The following OSBP2 variants were observed in gnomAD, a reference collection of about 807,000 sequenced individuals.
OSBP2 encodes oxysterol-binding protein 2.
A neutral mutation model predicts 96.0 loss-of-function variants in OSBP2; 66 were observed. The observed-to-expected ratio is 0.69, with a 90% CI of 0.56 to 0.84. The LOEUF is 0.84. Ranked by LOEUF, OSBP2 falls within the 40% of genes least tolerant of loss-of-function variation. The pLI is 0.00. For synonymous variants in OSBP2, 525 were observed against 520.9 expected (o/e 1.01, Z -0.11); for missense variants, 1,038 against 1,222.7 (o/e 0.85, Z 2.25).
intron 2 of OSBP2, among the ~76,000 whole-genome samples, chr22:30,746,155 AC>A (rs1458838702): frequency 6.6e-5 from 10 of 152,152 alleles, no homozygotes; most frequent in African/African-American, 2.4e-4. Flanking sequence ...CTGGTGGGTC[AC>A]GTCTGTAATT....
chr22:30,907,596 CT>C lies in OSBP2; in HGVS notation c.*1260del, dbSNP rs898144340. The C allele has an allele frequency of 6.6e-6, 1 of 152,130 alleles. No homozygotes were observed. The highest frequency in any genetic ancestry group is 1.5e-5 in the Non-Finnish European group (1 of 67,998). The allele number at this position is 152,130 out of a possible 1,614,324, so 9.4% of individuals were successfully genotyped here. On this transcript the variant is annotated 3_prime_UTR_variant, in exon 14 of 14. Transcript: ENST00000332585. ...CCTAAAAGTTCATCACAGGGTCTTT[CT>C]TTCTACTCCAGGACTGGTTTTGTTT...
At chr22:30,728,394 C>A (rs75362443) in intron 1 of OSBP2, among the ~76,000 whole-genome samples, 253 of 131,796 alleles carry the variant, frequency 1.9e-3, no homozygotes, top group South Asian at 2.5e-3. Context: ...GACTCCGTCT[C>A]AAAAAAAAAA....
At chr22:30,709,091 A>G (rs1434246757) in intron 1 of OSBP2, among the ~76,000 whole-genome samples, 1 of 151,862 alleles carries the variant, frequency 6.6e-6, no homozygotes, top group Non-Finnish European at 1.5e-5. Flanking sequence ...AAGAGCGAAA[A>G]CTCCATCTCA....
chr22:30,765,105 G>C (rs2090254374), intron 2 of OSBP2, among the ~76,000 whole-genome samples: 1 of 152,064 alleles, frequency 6.6e-6, no homozygotes, highest in Non-Finnish European at 1.5e-5. Context: ...TGTTGCCCAT[G>C]CTGGTCTCAA....
At chr22:30,833,183 A>G (rs2038565594) in intron 2 of OSBP2, among the ~76,000 whole-genome samples, 1 of 152,192 alleles carries the variant, frequency 6.6e-6, no homozygotes, top group Non-Finnish European at 1.5e-5. Context: ...AAGGAAACTG[A>G]GGCCTAGAAA....
intron 1 of OSBP2, among the ~76,000 whole-genome samples, chr22:30,726,832 G>A (rs1362227440): frequency 6.6e-6 from 1 of 152,172 alleles, no homozygotes; most frequent in Non-Finnish European, 1.5e-5. Flanking sequence ...ATGAAACAAT[G>A]TCAGGTCTCA....
intron 1 of OSBP2, among the ~76,000 whole-genome samples, chr22:30,720,287 G>C (rs1232597575): frequency 1.3e-5 from 2 of 152,158 alleles, no homozygotes; most frequent in African/African-American, 4.8e-5. Flanking sequence ...TGATTAATTG[G>C]GGTGATCCTG....
intron 3 of OSBP2, among the ~76,000 whole-genome samples, chr22:30,874,117 A>G (rs984620293): frequency 6.6e-6 from 1 of 152,188 alleles, no homozygotes. Flanking sequence ...CGTACCTGTA[A>G]TCTCAGCTAC....
chr22:30,858,137 T>C (rs1002917790), intron 2 of OSBP2, among the ~76,000 whole-genome samples: 37 of 95,834 alleles, frequency 3.9e-4, no homozygotes, highest in Middle Eastern at 0.013. Context: ...TTTTGTTTGT[T>C]TGTTTGTTTG....
intron 2 of OSBP2, among the ~76,000 whole-genome samples, chr22:30,856,996 C>T (rs2039092127): frequency 6.6e-6 from 1 of 152,210 alleles, no homozygotes; most frequent in South Asian, 2.1e-4. Context: ...TCTTTGGCCA[C>T]TCTCCTCTTA....
intron 12 of OSBP2, 121 bp from the exon 13 acceptor site, chr22:30,905,716 C>A: frequency 1.4e-6 from 2 of 1,414,766 alleles, no homozygotes; most frequent in Non-Finnish European, 1.9e-6. Flanking sequence ...GAGTCCTGGA[C>A]GCGGGGAGCT....
Position 30,888,214 on chromosome 22 carries a change from T to G in OSBP2, c.1301-9T>G. The G allele has an allele frequency of 6.5e-7, 1 of 1,547,740 alleles. No homozygotes were observed. The highest frequency in any genetic ancestry group is 1.4e-5 in the African/African-American group (1 of 73,664). On this transcript the variant is annotated splice_polypyrimidine_tract_variant and intron_variant, in intron 4 of 13. Coordinates refer to ENST00000332585, the MANE Select transcript of OSBP2 (RefSeq NM_030758.4). The stretch of plus-strand genomic sequence containing the variant: ...AGGTTACAAATTAAAGCTCTGTCTG[T>G]GTCTCTAGGAAGCCTCTTGACTCCC...
chr22:30,849,650 A>G (rs1024102959), intron 2 of OSBP2, among the ~76,000 whole-genome samples: 1 of 152,190 alleles, frequency 6.6e-6, no homozygotes. Context: ...TGTCACGAAC[A>G]TATATTGGGA....
intron 12 of OSBP2, among the ~76,000 whole-genome samples, chr22:30,900,793 T>C (rs1005194365): frequency 1.3e-5 from 2 of 152,240 alleles, no homozygotes; most frequent in African/African-American, 2.4e-5. Context: ...GTTTGACTTA[T>C]TGTAAACAAT....
rs538763182 is a variant in OSBP2, at chr22:30,835,718, CTTTTT to C, written c.854-34696_854-34692del. Among the ~76,000 whole-genome samples the C allele has an allele frequency of 5.4e-3, 713 of 132,110 alleles. 4 individuals are homozygous for C. Among genetic ancestry groups the C allele is most frequent in the African/African-American group, 0.017 (600 of 35,828 alleles). 86.7% of individuals were successfully genotyped at this position (132,110 alleles called of 152,430 possible). Reference sequence around the variant, plus strand: ...GTAAATGATACGAAATATGTAGTTACTTTTTTTTTTTTTTTTTTTAAGATACAAAG... The same window carrying C: ...GTAAATGATACGAAATATGTAGTTACTTTTTTTTTTTTTTAAGATACAAAG... On this transcript the variant is annotated intron_variant, in intron 2 of 13. Coordinates refer to ENST00000332585, the MANE Select transcript of OSBP2 (RefSeq NM_030758.4).
chr22:30,762,170 C>T lies in OSBP2; in HGVS notation c.853+20801C>T, dbSNP rs112568248. ...CTGGGAAGCAGAGGTTTCAGTGAAC[C>T]GAGATTACACTACTGCACTCCAGCC... On this transcript the variant is annotated intron_variant, in intron 2 of 13. Coordinates refer to ENST00000332585, the MANE Select transcript of OSBP2 (RefSeq NM_030758.4). Among the ~76,000 whole-genome samples, 971 of 151,806 alleles carry T rather than the reference C, an allele frequency of 6.4e-3. 8 individuals are homozygous for T. The highest frequency in any genetic ancestry group is 0.022 in the African/African-American group (917 of 41,400).
intron 12 of OSBP2, among the ~76,000 whole-genome samples, chr22:30,899,653 C>G (rs936203699): frequency 2.0e-5 from 3 of 152,042 alleles, no homozygotes; most frequent in African/African-American, 7.2e-5. Flanking sequence ...AACCCTCATA[C>G]CAAATTAGGC....
At chr22:30,872,528 A>G in intron 3 of OSBP2, 1 of 377,522 alleles carries the variant, frequency 2.6e-6, no homozygotes, top group African/African-American at 2.1e-5. Context: ...TGAGAAGCAC[A>G]ACCCCCTGGG....
Position 30,870,353 on chromosome 22 carries a change from G to T in OSBP2, c.854-76G>T. The stretch of plus-strand genomic sequence containing the variant: ...TGAATGGCGCTATCCACCCTGCCCT[G>T]CTCGGCCTGGCTGTGCAGGCCTCTT... On this transcript the variant is annotated intron_variant, in intron 2 of 13. Coordinates refer to ENST00000332585, the MANE Select transcript of OSBP2 (RefSeq NM_030758.4). This position sits in a 1 kb window ranked among gnomAD's most constrained non-coding sequence, Gnocchi z 4.1. 6.7e-7 allele frequency: 1 copy of T among 1,485,206 alleles called. No homozygotes were observed. The highest frequency in any genetic ancestry group is 9.3e-7 in the Non-Finnish European group (1 of 1,080,760). 92.0% of individuals were successfully genotyped at this position (1,485,206 alleles called of 1,614,324 possible).
Sources: allele counts gnomAD v4.1 joint callset (sites outside exome capture counted in the v4.1 genomes callset), GRCh38; gene constraint gnomAD v4.1.1; non-coding constraint Gnocchi (gnomAD v3.1); transcripts MANE v1.5; gene names NCBI Gene and HGNC (gene_info 2026-07-23, HGNC 2026-07-21).